Variants in DGKB observed in about 807,000 individuals in gnomAD.
DGKB encodes diacylglycerol kinase beta, also known as 90 kDa diacylglycerol kinase.
DGKB carries 67 observed loss-of-function variants against 114.3 expected under a neutral mutation model. That is an observed-to-expected ratio of 0.59 (90% CI 0.48 to 0.72). The LOEUF (loss-of-function observed/expected upper bound fraction) is 0.72, where lower values mean the gene tolerates loss of function less well. Among genes scored for constraint, DGKB ranks in the 30% least tolerant of loss-of-function variants. The probability of loss-of-function intolerance (pLI) is 0.00; values close to 1 mark genes in which losing one functional copy is unlikely to be tolerated. For missense variants in DGKB, 907 were observed against 975.2 expected, an observed-to-expected ratio of 0.93 and a Z score of 0.93; for synonymous variants, 398 against 323.1, an observed-to-expected ratio of 1.23 and a Z score of -2.49.
At chr7:14,535,086 A>C (rs570025874) in intron 20 of DGKB, among the ~76,000 whole-genome samples, 1 of 152,188 alleles carries the variant, frequency 6.6e-6, no homozygotes. Context: ...AAAAGAATAA[A>C]TGGCAAGGCA....
At chr7:14,678,291 G>A (rs1439508258) in intron 12 of DGKB, among the ~76,000 whole-genome samples, 1 of 152,046 alleles carries the variant, frequency 6.6e-6, no homozygotes, top group Non-Finnish European at 1.5e-5. Flanking sequence ...TGAAACCAAT[G>A]GAGAGCATTT....
At chr7:14,213,542 G>C (rs748233026) in intron 23 of DGKB, among the ~76,000 whole-genome samples, 1 of 152,128 alleles carries the variant, frequency 6.6e-6, no homozygotes, top group Non-Finnish European at 1.5e-5. Flanking sequence ...GGAGCAAGGG[G>C]AAGGTATGCT....
chr7:14,350,085 A>G (rs1310621132), intron 21 of DGKB, among the ~76,000 whole-genome samples: 2 of 152,154 alleles, frequency 1.3e-5, no homozygotes, highest in East Asian at 3.9e-4. Context: ...TTTAATGCTC[A>G]AAGTGCTTGG....
At chr7:14,470,036 A>G (rs1200390715) in intron 21 of DGKB, among the ~76,000 whole-genome samples, 1 of 151,894 alleles carries the variant, frequency 6.6e-6, no homozygotes, top group Non-Finnish European at 1.5e-5. Context: ...TTACACACAC[A>G]AATTTCAAAA....
chr7:14,323,923 C>G (rs753391610), intron 23 of DGKB, among the ~76,000 whole-genome samples: 17 of 152,178 alleles, frequency 1.1e-4, no homozygotes, highest in Middle Eastern at 3.4e-3. Context: ...GATTTAATAC[C>G]AGGGTAATCA....
chr7:14,902,818 C>G (rs1158351481), upstream of DGKB: 4 of 152,248 alleles, frequency 2.6e-5, no homozygotes, highest in Non-Finnish European at 5.9e-5. Context: ...AACACCCGGC[C>G]CATTGGAACT....
intron 21 of DGKB, among the ~76,000 whole-genome samples, chr7:14,378,882 T>C (rs924869357): frequency 6.6e-6 from 1 of 152,126 alleles, no homozygotes; most frequent in Non-Finnish European, 1.5e-5. Flanking sequence ...AAAAACAATC[T>C]ATGTTTTTGC....
intron 1 of DGKB, among the ~76,000 whole-genome samples, chr7:14,942,638 G>C (rs1386252858): frequency 1.3e-5 from 2 of 151,744 alleles, no homozygotes; most frequent in East Asian, 3.9e-4. Context: ...AAGCGCTCCG[G>C]CTCACTTCTT....
intron 21 of DGKB, among the ~76,000 whole-genome samples, chr7:14,393,037 G>A: frequency 8.1e-6 from 1 of 123,526 alleles, no homozygotes. Context: ...CGCCCAGGCT[G>A]GAGTGCAGTG....
chr7:14,931,486 G>A (rs576491952), intron 1 of DGKB, among the ~76,000 whole-genome samples: 2 of 152,180 alleles, frequency 1.3e-5, no homozygotes, highest in African/African-American at 4.8e-5. Flanking sequence ...ATTTTTTGTT[G>A]TGTCCTTGTC....
intron 23 of DGKB, among the ~76,000 whole-genome samples, chr7:14,253,542 C>A (rs1392467546): frequency 3.9e-5 from 6 of 152,164 alleles, no homozygotes; most frequent in Admixed American, 3.9e-4. Flanking sequence ...TCTGAAATAA[C>A]TACAGCTTCC....
intron 13 of DGKB, among the ~76,000 whole-genome samples, chr7:14,631,616 G>A (rs1809728644): frequency 6.6e-6 from 1 of 151,990 alleles, no homozygotes; most frequent in South Asian, 2.1e-4. Flanking sequence ...AGTAGGTTTG[G>A]TAGAGCCTTT....
At chr7:14,540,724 CA>C (rs1793286840) in intron 20 of DGKB, among the ~76,000 whole-genome samples, 1 of 151,922 alleles carries the variant, frequency 6.6e-6, no homozygotes, top group Non-Finnish European at 1.5e-5. Context: ...TCATTTTCTA[CA>C]AATTGTGGAA....
intron 20 of DGKB, among the ~76,000 whole-genome samples, chr7:14,498,513 G>C (rs1290102220): frequency 1.3e-5 from 2 of 151,748 alleles, no homozygotes; most frequent in African/African-American, 4.8e-5. Flanking sequence ...ATGCTGAACA[G>C]GAGTAGAACT....
At chr7:14,349,803 T>G (rs1813122090) in intron 21 of DGKB, among the ~76,000 whole-genome samples, 1 of 152,144 alleles carries the variant, frequency 6.6e-6, no homozygotes, top group African/African-American at 2.4e-5. Context: ...ACTTTTATGA[T>G]TCACATTAGA....
chr7:14,207,588 A>G (rs936932728), intron 23 of DGKB, among the ~76,000 whole-genome samples: 5 of 152,070 alleles, frequency 3.3e-5, no homozygotes, highest in African/African-American at 1.2e-4. Context: ...TTTAAGCCTA[A>G]TTATCTGTCC....
chr7:14,579,379 G>A (rs1176823517), intron 19 of DGKB, among the ~76,000 whole-genome samples: 1 of 152,102 alleles, frequency 6.6e-6, no homozygotes, highest in African/African-American at 2.4e-5. Flanking sequence ...ATTAGAGTAT[G>A]CCAAATATGG....
chr7:14,651,465 C>G (rs1352713644), intron 13 of DGKB, among the ~76,000 whole-genome samples: 1 of 146,576 alleles, frequency 6.8e-6, no homozygotes, highest in Non-Finnish European at 1.5e-5. Context: ...ATGCTAAAAA[C>G]TCTCAATAAA....
At chr7:14,200,800 T>C (rs918868461) in intron 23 of DGKB, among the ~76,000 whole-genome samples, 1 of 151,940 alleles carries the variant, frequency 6.6e-6, no homozygotes, top group Non-Finnish European at 1.5e-5. Flanking sequence ...TGTTTAACTC[T>C]ATGGAGGATG....
Sources: gnomAD v4.1 joint callset for allele counts (sites outside exome capture counted in the v4.1 genomes callset) on GRCh38, gnomAD v4.1.1 for gene constraint, MANE v1.5 for transcripts, NCBI Gene and HGNC (gene_info 2026-07-23, HGNC 2026-07-21) for gene names.